ATXN1: variants seen among roughly 807,000 people sequenced by gnomAD.
ATXN1 encodes ataxin-1.
In ATXN1, 8 loss-of-function variants were observed where a neutral mutation model predicts 56.4. The observed-to-expected ratio is 0.14, with a 90% CI of 0.08 to 0.26. ATXN1 has a LOEUF of 0.26. Ranked by LOEUF, ATXN1 falls within the 10% of genes least tolerant of loss-of-function variation. ATXN1 has a pLI of 1.00. For synonymous variants in ATXN1, 514 were observed against 494.6 expected, an observed-to-expected ratio of 1.04 and a Z score of -0.52; for missense variants, 987 against 1,106.5, an observed-to-expected ratio of 0.89 and a Z score of 1.53.
At chr6:16,307,863 T>C (rs896443244) in intron 7 of ATXN1, among the ~76,000 whole-genome samples, 3 of 151,332 alleles carry the variant, frequency 2.0e-5, no homozygotes, top group Admixed American at 1.3e-4. Context: ...GCAAATAAGA[T>C]AGTAAAAAGG....
chr6:16,667,943 T>C (rs966107486), intron 2 of ATXN1, among the ~76,000 whole-genome samples: 2 of 152,218 alleles, frequency 1.3e-5, no homozygotes, highest in Non-Finnish European at 2.9e-5. Flanking sequence ...TTCCCCAAAG[T>C]GCCTCGGGCC....
intron 2 of ATXN1, among the ~76,000 whole-genome samples, chr6:16,697,515 C>A (rs2113429763): frequency 6.6e-6 from 1 of 152,210 alleles, no homozygotes; most frequent in East Asian, 1.9e-4. Flanking sequence ...CCACCCAGTG[C>A]TCTCTGAAGA....
intron 5 of ATXN1, among the ~76,000 whole-genome samples, chr6:16,489,462 T>C (rs1021755410): frequency 6.6e-6 from 1 of 152,192 alleles, no homozygotes; most frequent in African/African-American, 2.4e-5. Flanking sequence ...CCATTACATC[T>C]TAAGTCATTA....
At chr6:16,754,047 C>T (rs1192681595) in intron 1 of ATXN1, 5 of 152,134 alleles carry the variant, frequency 3.3e-5, no homozygotes, top group African/African-American at 1.2e-4. Context: ...ATATACCTTT[C>T]CATCAGGGAG....
intron 6 of ATXN1, among the ~76,000 whole-genome samples, chr6:16,395,222 A>G (rs933985818): frequency 2.2e-5 from 3 of 139,514 alleles, no homozygotes; most frequent in African/African-American, 8.0e-5. Flanking sequence ...GTGAGCCAAG[A>G]TTGCGCCATT....
chr6:16,430,690 AG>A (rs1030673923), intron 6 of ATXN1, among the ~76,000 whole-genome samples: 1 of 151,800 alleles, frequency 6.6e-6, no homozygotes, highest in African/African-American at 2.4e-5. Flanking sequence ...ATAGGGGTGC[AG>A]TGGCTGGTGC....
intron 3 of ATXN1, among the ~76,000 whole-genome samples, chr6:16,652,432 T>A (rs1250556712): frequency 6.6e-6 from 1 of 152,212 alleles, no homozygotes; most frequent in African/African-American, 2.4e-5. Flanking sequence ...TTAGAATCAT[T>A]TTTTTCTGTT....
chr6:16,558,777 T>C (rs561832533), intron 4 of ATXN1, among the ~76,000 whole-genome samples: 5 of 151,972 alleles, frequency 3.3e-5, no homozygotes, highest in Non-Finnish European at 7.4e-5. Context: ...AGCCAAAAAA[T>C]AAAAATCTGA....
At chr6:16,411,134 AAAAAAAAAAAAG>A (rs1024638245) in intron 6 of ATXN1, among the ~76,000 whole-genome samples, 2 of 151,076 alleles carry the variant, frequency 1.3e-5, no homozygotes, top group African/African-American at 4.9e-5. Context: ...TCAAAAAAAA[AAAAAAAAAAAAG>A]AAAAGAAAAG....
At chr6:16,404,285 T>C (rs1758639291) in intron 6 of ATXN1, among the ~76,000 whole-genome samples, 1 of 152,214 alleles carries the variant, frequency 6.6e-6, no homozygotes, top group Non-Finnish European at 1.5e-5. Context: ...CAGAAAGATT[T>C]AAGAGGCAGG....
At position 16,306,483 on chromosome 6, in the gene ATXN1, T is replaced by C. The variant is rs1219064225; in HGVS notation, c.2294A>G (p.Lys765Arg). 1 of 1,614,210 alleles carries C rather than the reference T, an allele frequency of 6.2e-7. No individual in the cohort carries two copies. The highest frequency in any genetic ancestry group is 2.2e-5 in the East Asian group (1 of 44,884). ...APFLTKIEPS[K>R]PAATRKRRWS... Reference sequence around the variant, plus strand: ...CCTCCTCTTCCTCGTTGCCGCGGGCTTGCTGGGTTCTATTTTGGTGAGGAA... The same window carrying C: ...CCTCCTCTTCCTCGTTGCCGCGGGCCTGCTGGGTTCTATTTTGGTGAGGAA... The change falls in exon 8 of 8, where the codon AAG becomes AGG. Residue 765 changes from lysine (K) to arginine (R), a missense_variant. Physicochemically the swap from Lys to Arg is conservative, Grantham distance 26. Around this residue, in one of 3 missense-constraint regions of ATXN1, gnomAD observed 196 missense variants for 196.7 expected, o/e 1.00. Coordinates refer to ENST00000436367, the MANE Select transcript of ATXN1 (RefSeq NM_001128164.2). The surrounding 1 kb of genome is among the most constrained non-coding windows in gnomAD (Gnocchi z 5.2).
intron 6 of ATXN1, among the ~76,000 whole-genome samples, chr6:16,385,695 G>A (rs530697292): frequency 6.2e-4 from 95 of 152,268 alleles, no homozygotes; most frequent in African/African-American, 2.2e-3. Context: ...GTAGGTACTC[G>A]ATACATACCA....
At chr6:16,439,331 C>CTT (rs1288283862) in intron 6 of ATXN1, among the ~76,000 whole-genome samples, 1 of 42,000 alleles carries the variant, frequency 2.4e-5, no homozygotes, top group Non-Finnish European at 4.3e-5. Context: ...CTAGAGACTT[C>CTT]TTTTCGCGGG....
Position 16,327,259 on chromosome 6 carries a change from G to C in ATXN1, c.1052C>G (p.Ser351Trp). ...CCTGGACTCGTACGGGTGAGGAACCGACTTGCCGCCTGCCTTGCCCAGGCC... is the reference window on the plus strand; with the variant it reads ...CCTGGACTCGTACGGGTGAGGAACCCACTTGCCGCCTGCCTTGCCCAGGCC... ...DLGLGKAGGKSVPHPYESRHV... is the reference protein window; with the variant it reads ...DLGLGKAGGKWVPHPYESRHV... The change falls in exon 7 of 8, where the codon TCG (serine) becomes TGG (tryptophan). Residue 351 changes from serine to tryptophan, a missense_variant. This residue lies in a region of ATXN1 where 723 missense variants were observed against 791.7 expected (regional missense o/e 0.91). Coordinates refer to ENST00000436367, the MANE Select transcript of ATXN1 (RefSeq NM_001128164.2). The C allele has an allele frequency of 6.2e-7, 1 of 1,613,276 alleles. No individual in the cohort carries two copies. Among genetic ancestry groups the C allele is most frequent in the Non-Finnish European group, 8.5e-7 (1 of 1,179,672 alleles).
At chr6:16,433,902 G>A (rs374776382) in intron 6 of ATXN1, among the ~76,000 whole-genome samples, 9 of 152,162 alleles carry the variant, frequency 5.9e-5, no homozygotes, top group South Asian at 2.1e-4. Context: ...GTCACGACGC[G>A]TCCTCTAACC....
intron 2 of ATXN1, among the ~76,000 whole-genome samples, chr6:16,698,907 T>C (rs1759222976): frequency 6.6e-6 from 1 of 152,222 alleles, no homozygotes; most frequent in South Asian, 2.1e-4. Context: ...AAATAAACTG[T>C]ATTTAATAAT....
chr6:16,654,191 T>G (rs769416643), intron 3 of ATXN1, among the ~76,000 whole-genome samples: 2 of 152,092 alleles, frequency 1.3e-5, no homozygotes, highest in Non-Finnish European at 2.9e-5. Flanking sequence ...ACTCACAGAG[T>G]AATGCACAGC....
At chr6:16,696,322 G>A (rs1444990376) in intron 2 of ATXN1, among the ~76,000 whole-genome samples, 2 of 152,174 alleles carry the variant, frequency 1.3e-5, no homozygotes, top group Non-Finnish European at 2.9e-5. Flanking sequence ...CTGTGGCATC[G>A]AGAAGAATTA....
At chr6:16,725,350 T>C (rs1342565297) in intron 2 of ATXN1, among the ~76,000 whole-genome samples, 1 of 152,162 alleles carries the variant, frequency 6.6e-6, no homozygotes, top group Non-Finnish European at 1.5e-5. Context: ...TGCGAGTTCC[T>C]TAAGGAGTCA....
Sources: allele counts gnomAD v4.1 joint callset (sites outside exome capture counted in the v4.1 genomes callset), GRCh38; gene constraint gnomAD v4.1.1; regional missense constraint gnomAD v4.1.1; non-coding constraint Gnocchi (gnomAD v3.1); transcripts MANE v1.5; gene names NCBI Gene and HGNC (gene_info 2026-07-23, HGNC 2026-07-21).